The following OSMR variants were observed in gnomAD, a reference collection of about 807,000 sequenced individuals.
The protein encoded by OSMR is oncostatin-M-specific receptor subunit beta.
Under a neutral mutation model 99.9 loss-of-function variants are expected in OSMR, and 81 were observed. The observed-to-expected ratio is 0.81, with a 90% CI of 0.68 to 0.97. OSMR has a LOEUF of 0.97. Among genes scored for constraint, OSMR ranks in the 50% least tolerant of loss-of-function variants. The pLI is 0.00. For missense variants in OSMR, 1,099 were observed against 1,153.4 expected, an observed-to-expected ratio of 0.95 and a Z score of 0.68; for synonymous variants, 406 against 410.4, an observed-to-expected ratio of 0.99 and a Z score of 0.13.
chr5:38,855,345 C>T (rs1579622063), intron 1 of OSMR, among the ~76,000 whole-genome samples: 1 of 152,132 alleles, frequency 6.6e-6, no homozygotes, highest in East Asian at 1.9e-4. Flanking sequence ...CTAGCCAGGA[C>T]CACTCCCAGA....
At chr5:38,915,340 A>G (rs1745833805) in intron 9 of OSMR, among the ~76,000 whole-genome samples, 1 of 152,240 alleles carries the variant, frequency 6.6e-6, no homozygotes, top group Non-Finnish European at 1.5e-5. Context: ...GTAGACTGGT[A>G]AAATACTGAT....
intron 8 of OSMR, 141 bp from the exon 9 acceptor site, chr5:38,904,212 T>C: frequency 1.3e-6 from 2 of 1,527,148 alleles, no homozygotes; most frequent in Non-Finnish European, 1.8e-6. Context: ...TGAAGATTTT[T>C]TTCCCCCCAA....
chr5:38,920,241 G>A lies in OSMR; in HGVS notation c.1585+1179G>A, dbSNP rs74440055. Among the ~76,000 whole-genome samples the A allele has an allele frequency of 2.8e-3, 432 of 152,222 alleles. 1 individual carries two copies. Among genetic ancestry groups the A allele is most frequent in the African/African-American group, 9.9e-3 (410 of 41,522 alleles). ...AGGCTCCAGCTAGCTATCCTTAAGTGTTTCTTGTTTCTACATCACCAGCAT... is the reference window on the plus strand; with the variant it reads ...AGGCTCCAGCTAGCTATCCTTAAGTATTTCTTGTTTCTACATCACCAGCAT... On this transcript the variant is annotated intron_variant, in intron 11 of 17. Coordinates refer to ENST00000274276, the MANE Select transcript of OSMR (RefSeq NM_003999.3).
At chr5:38,869,199 A>T in intron 2 of OSMR, 82 bp downstream of exon 2, 1 of 1,038,072 alleles carries the variant, frequency 9.6e-7, no homozygotes, top group Non-Finnish European at 1.5e-6. Flanking sequence ...AAAGTTAAAC[A>T]GTTCTTTTTT....
chr5:38,927,215 T>G (rs1450358252), intron 15 of OSMR, among the ~76,000 whole-genome samples: 1 of 152,172 alleles, frequency 6.6e-6, no homozygotes, highest in Non-Finnish European at 1.5e-5. Context: ...GTGCAAGCTG[T>G]TGGTGGATAT....
chr5:38,912,248 G>A (rs1336364557), intron 9 of OSMR, among the ~76,000 whole-genome samples: 1 of 152,158 alleles, frequency 6.6e-6, no homozygotes, highest in Non-Finnish European at 1.5e-5. Context: ...CAAGATCGAT[G>A]TACAAAAATC....
intron 16 of OSMR, 102 bp downstream of exon 16, chr5:38,932,066 A>C (rs546908543): frequency 1.1e-6 from 1 of 941,228 alleles, no homozygotes; most frequent in African/African-American, 1.6e-5. Context: ...GAAACAACGT[A>C]TAAAAAAGGA....
intron 3 of OSMR, among the ~76,000 whole-genome samples, chr5:38,877,468 T>C (rs1187902332): frequency 1.3e-5 from 2 of 152,242 alleles, no homozygotes; most frequent in African/African-American, 4.8e-5. Flanking sequence ...ATGAGACTTA[T>C]TTAGTATGAT....
At chr5:38,915,258 AATC>A (rs1215479935) in intron 9 of OSMR, among the ~76,000 whole-genome samples, 2 of 152,240 alleles carry the variant, frequency 1.3e-5, no homozygotes, top group African/African-American at 2.4e-5. Context: ...AATTTAATGA[AATC>A]ATAATTTCTC....
chr5:38,915,205 C>T (rs1016687741), intron 9 of OSMR, among the ~76,000 whole-genome samples: 15 of 152,178 alleles, frequency 9.9e-5, no homozygotes, highest in Non-Finnish European at 2.1e-4. Flanking sequence ...TAAAGTAGCA[C>T]TCAGGTGATG....
At chr5:38,907,474 C>T (rs973888549) in intron 9 of OSMR, among the ~76,000 whole-genome samples, 3 of 152,188 alleles carry the variant, frequency 2.0e-5, no homozygotes, top group Non-Finnish European at 1.5e-5. Flanking sequence ...CCTTGCCTTG[C>T]TCCTCTAGGA....
intron 1 of OSMR, among the ~76,000 whole-genome samples, chr5:38,850,756 C>T (rs566836171): frequency 3.9e-5 from 6 of 152,272 alleles, no homozygotes; most frequent in East Asian, 1.9e-4. Context: ...ACAGAAGTTA[C>T]GCTTTCTTGT....
chr5:38,851,211 G>GT (rs1239344745), intron 1 of OSMR, among the ~76,000 whole-genome samples: 1 of 152,110 alleles, frequency 6.6e-6, no homozygotes, highest in Non-Finnish European at 1.5e-5. Context: ...ACACACACAC[G>GT]TTTTAAGGAA....
chr5:38,866,899 T>G (rs1579656535), intron 1 of OSMR, among the ~76,000 whole-genome samples: 1 of 152,178 alleles, frequency 6.6e-6, no homozygotes, highest in South Asian at 2.1e-4. Flanking sequence ...TAACTTTTCC[T>G]GGCACTGGGG....
rs1743721802 is a variant in OSMR at position 38,886,025 on chromosome 5, T to C, written c.840-14T>C. On this transcript the variant is annotated splice_polypyrimidine_tract_variant and intron_variant, in intron 6 of 17. Transcript: ENST00000274276. ...ACCTCGTAATGGTTGTGTTATTTTG[T>C]TTTGTTTTTAAAGATTTTCTGGGGA... The C allele has an allele frequency of 6.2e-7, 1 of 1,612,572 alleles. No homozygotes were observed. Among genetic ancestry groups the C allele is most frequent in the Non-Finnish European group, 8.5e-7 (1 of 1,179,782 alleles).
chr5:38,858,742 C>T (rs1013977670), intron 1 of OSMR, among the ~76,000 whole-genome samples: 4 of 152,094 alleles, frequency 2.6e-5, no homozygotes, highest in Non-Finnish European at 5.9e-5. Context: ...TGTATGAGTT[C>T]CCTTTTCTCT....
At position 38,924,497 on chromosome 5, in the gene OSMR, C is replaced by G. The variant is rs1041849638; in HGVS notation, c.1946C>G (p.Ser649Cys). The G allele has an allele frequency of 6.2e-7, 1 of 1,614,024 alleles. No individual in the cohort carries two copies. Reference sequence around the variant, plus strand: ...TTCACTCTGAGTTGGAAAGATTACTCTACTGAATCTCAACCTGGTTTTATA... The same window carrying G: ...TTCACTCTGAGTTGGAAAGATTACTGTACTGAATCTCAACCTGGTTTTATA... ...HSFTLSWKDY[S>C]TESQPGFIQG... The change falls in exon 14 of 18, where the codon TCT becomes TGT. Residue 649 changes from serine (S) to cysteine (C), a missense_variant. Coordinates refer to ENST00000274276, the MANE Select transcript of OSMR (RefSeq NM_003999.3).
chr5:38,876,359 A>G lies in OSMR; in HGVS notation c.232A>G (p.Asn78Asp). The G allele has an allele frequency of 6.2e-7, 1 of 1,613,242 alleles. No homozygotes were observed. Among genetic ancestry groups the G allele is most frequent in the Non-Finnish European group, 8.5e-7 (1 of 1,179,392 alleles). ...CCAGATCAGTAGGATTGAAACATCC[A>G]ATGTCATCTGGGTGGTAAGTAATTT... ...QIQISRIETSNVIWVGNYSTT... is the reference protein window; with the variant it reads ...QIQISRIETSDVIWVGNYSTT... The change falls in exon 3 of 18, where the codon AAT (asparagine) becomes GAT (aspartate). Residue 78 changes from asparagine to aspartate, a missense_variant. Coordinates refer to ENST00000274276, the MANE Select transcript of OSMR (RefSeq NM_003999.3).
intron 1 of OSMR, among the ~76,000 whole-genome samples, chr5:38,849,252 G>C (rs1740159192): frequency 6.6e-6 from 1 of 152,106 alleles, no homozygotes; most frequent in Admixed American, 6.5e-5. Flanking sequence ...TGTGTCAAAG[G>C]GTTTGCCCCT....
Sources: gnomAD v4.1 joint callset for allele counts (sites outside exome capture counted in the v4.1 genomes callset) on GRCh38, gnomAD v4.1.1 for gene constraint, MANE v1.5 for transcripts, NCBI Gene and HGNC (gene_info 2026-07-23, HGNC 2026-07-21) for gene names.